The following RELN variants were observed in gnomAD, a reference collection of about 807,000 sequenced individuals.
RELN encodes reelin.
RELN carries 108 observed loss-of-function variants against 427.6 expected under a neutral mutation model. That is an observed-to-expected ratio of 0.25 (90% CI 0.22 to 0.30). The LOEUF (loss-of-function observed/expected upper bound fraction) is 0.30, where lower values mean the gene tolerates loss of function less well. RELN is among the 10% of genes least tolerant of loss of function. The pLI is 1.00. For missense variants in RELN, 3,715 were observed against 4,302.8 expected, an observed-to-expected ratio of 0.86 and a Z score of 3.82; for synonymous variants, 1,524 against 1,513.4, an observed-to-expected ratio of 1.01 and a Z score of -0.16.
chr7:103,646,568 C>T, intron 16 of RELN, among the ~76,000 whole-genome samples: 1 of 151,776 alleles, frequency 6.6e-6, no homozygotes, highest in East Asian at 1.9e-4. Flanking sequence ...AAGATTGAAG[C>T]AGGAAGAAAT....
chr7:103,628,349 C>T (rs1308532246), intron 20 of RELN: 2 of 152,218 alleles, frequency 1.3e-5, no homozygotes, highest in African/African-American at 4.8e-5. Flanking sequence ...CATTGCACTC[C>T]AGCCTGGGTG....
intron 10 of RELN, among the ~76,000 whole-genome samples, chr7:103,695,149 A>T (rs1220823145): frequency 6.6e-6 from 1 of 152,156 alleles, no homozygotes; most frequent in East Asian, 1.9e-4. Flanking sequence ...TTTGACAAAC[A>T]AGTTGCATAT....
chr7:103,755,505 G>A (rs1434308808), intron 4 of RELN, among the ~76,000 whole-genome samples: 1 of 151,900 alleles, frequency 6.6e-6, no homozygotes, highest in African/African-American at 2.4e-5. Context: ...CTGCTCAGGA[G>A]GCTGAGGCAG....
At chr7:103,482,795 A>T (rs1586467711) in intron 63 of RELN, 78 bp downstream of exon 63, 1 of 1,609,672 alleles carries the variant, frequency 6.2e-7, no homozygotes, top group East Asian at 2.2e-5. Flanking sequence ...GATCTTACTG[A>T]ATTAAGGGTC....
At chr7:103,581,857 C>G (rs1831158324) in intron 28 of RELN, among the ~76,000 whole-genome samples, 1 of 151,952 alleles carries the variant, frequency 6.6e-6, no homozygotes, top group African/African-American at 2.4e-5. Flanking sequence ...GACCCAGACT[C>G]TTACCAACTC....
chr7:103,739,402 T>G (rs1447085823), intron 6 of RELN, among the ~76,000 whole-genome samples: 2 of 152,204 alleles, frequency 1.3e-5, no homozygotes, highest in African/African-American at 4.8e-5. Flanking sequence ...TTTGGAGGGT[T>G]GTTGCTGTAT....
At chr7:103,913,949 T>C (rs1316172466) in intron 2 of RELN, among the ~76,000 whole-genome samples, 1 of 152,234 alleles carries the variant, frequency 6.6e-6, no homozygotes, top group Non-Finnish European at 1.5e-5. Flanking sequence ...GGATCTAGTG[T>C]AAGACCTGAG....
At chr7:103,883,590 G>A (rs1383964588) in intron 2 of RELN, among the ~76,000 whole-genome samples, 1 of 152,174 alleles carries the variant, frequency 6.6e-6, no homozygotes, top group Non-Finnish European at 1.5e-5. Flanking sequence ...CAAAGTCTCA[G>A]CATACAAAAT....
intron 2 of RELN, among the ~76,000 whole-genome samples, chr7:103,837,501 C>T (rs1793439000): frequency 1.3e-5 from 2 of 152,212 alleles, no homozygotes; most frequent in Admixed American, 1.3e-4. Flanking sequence ...TTGCTCTCCT[C>T]CCACCCATCC....
chr7:103,938,842 T>C (rs1179841762), intron 1 of RELN, among the ~76,000 whole-genome samples: 2 of 152,188 alleles, frequency 1.3e-5, no homozygotes, highest in Non-Finnish European at 2.9e-5. Context: ...AAAACAGTTA[T>C]ATAGATGCTT....
chr7:103,491,856 TCACACACA>T (rs71110838), intron 58 of RELN, 89 bp downstream of exon 58: 202 of 288,542 alleles, frequency 7.0e-4, no homozygotes, highest in East Asian at 1.2e-3. Context: ...TCTCTCTCTC[TCACACACA>T]CACACACACA....
chr7:103,860,610 A>G (rs1228489701), intron 2 of RELN, among the ~76,000 whole-genome samples: 1 of 152,124 alleles, frequency 6.6e-6, no homozygotes, highest in East Asian at 1.9e-4. Flanking sequence ...CGTGGCTTAT[A>G]TTGGCTAGAG....
chr7:103,648,845 T>A (rs1325347971), intron 16 of RELN, among the ~76,000 whole-genome samples: 2 of 152,012 alleles, frequency 1.3e-5, no homozygotes, highest in Non-Finnish European at 2.9e-5. Flanking sequence ...ATGCTAAGCA[T>A]CACTAATTAT....
At chr7:103,791,357 G>C (rs1047411889) in intron 3 of RELN, among the ~76,000 whole-genome samples, 8 of 152,120 alleles carry the variant, frequency 5.3e-5, no homozygotes, top group Non-Finnish European at 1.0e-4. Flanking sequence ...TTACCACAAA[G>C]TTACCATAAT....
chr7:103,719,505 A>G (rs1790023094), intron 8 of RELN, among the ~76,000 whole-genome samples: 1 of 152,162 alleles, frequency 6.6e-6, no homozygotes, highest in Non-Finnish European at 1.5e-5. Flanking sequence ...TAAGTGCTGT[A>G]AAAACGTTCT....
intron 4 of RELN, among the ~76,000 whole-genome samples, chr7:103,754,273 T>G (rs1400580298): frequency 6.6e-6 from 1 of 152,192 alleles, no homozygotes; most frequent in East Asian, 1.9e-4. Flanking sequence ...AATACACTAT[T>G]AAATTAATTT....
At chr7:103,733,140 G>C (rs1790398528) in intron 6 of RELN, among the ~76,000 whole-genome samples, 1 of 152,146 alleles carries the variant, frequency 6.6e-6, no homozygotes, top group Non-Finnish European at 1.5e-5. Context: ...GACATGAACA[G>C]ACACTTCTTA....
At chr7:103,790,238 A>G (rs1792126367) in intron 3 of RELN, among the ~76,000 whole-genome samples, 1 of 152,110 alleles carries the variant, frequency 6.6e-6, no homozygotes, top group Non-Finnish European at 1.5e-5. Context: ...AATGTAGATG[A>G]TGGGTTGACG....
In RELN at chr7:103,660,189, G is replaced by C. The variant is rs564344474; in HGVS notation, c.1441+1187C>G. ...ACATTGTGTCAAAAATGGGGAAAAGGGAAAAAACTTAAATTAGGCTGGCAT... is the reference window on the plus strand; with the variant it reads ...ACATTGTGTCAAAAATGGGGAAAAGCGAAAAAACTTAAATTAGGCTGGCAT... On this transcript the variant is annotated intron_variant, in intron 12 of 64. Coordinates refer to ENST00000428762, the MANE Select transcript of RELN (RefSeq NM_005045.4). Among the ~76,000 whole-genome samples the C allele has an allele frequency of 5.9e-5, 9 of 152,078 alleles. No individual in the cohort carries two copies. The South Asian group carries it at 1.9e-3, about 32-fold the overall frequency.
Sources: gnomAD v4.1 joint callset for allele counts (sites outside exome capture counted in the v4.1 genomes callset) on GRCh38, gnomAD v4.1.1 for gene constraint, MANE v1.5 for transcripts, NCBI Gene and HGNC (gene_info 2026-07-23, HGNC 2026-07-21) for gene names.